Variants in LRP1B observed in about 807,000 individuals in gnomAD.
The protein encoded by LRP1B is low-density lipoprotein receptor-related protein 1B.
Under a neutral mutation model 556.6 loss-of-function variants are expected in LRP1B, and 217 were observed. The ratio of observed to expected loss-of-function variants is 0.39; its 90% CI spans 0.35 to 0.44. The LOEUF is 0.44. LRP1B is among the 20% of genes least tolerant of loss of function. LRP1B has a pLI of 1.00. For synonymous variants in LRP1B, 2,047 were observed against 1,865.8 expected (o/e 1.10, Z -2.50); for missense variants, 5,053 against 5,620.8 (o/e 0.90, Z 3.23).
chr2:141,561,246 T>C (rs1686137718), intron 2 of LRP1B, among the ~76,000 whole-genome samples: 2 of 151,928 alleles, frequency 1.3e-5, no homozygotes, highest in African/African-American at 4.8e-5. Context: ...GTTCCTAAAA[T>C]GAAACTCCAT....
chr2:141,967,360 G>T (rs142944916), intron 1 of LRP1B, among the ~76,000 whole-genome samples: 1 of 151,786 alleles, frequency 6.6e-6, no homozygotes, highest in Non-Finnish European at 1.5e-5. Context: ...ATGGAGAGAG[G>T]TATCTGAAAA....
intron 1 of LRP1B, among the ~76,000 whole-genome samples, chr2:141,966,888 A>G (rs2105066912): frequency 6.6e-6 from 1 of 152,012 alleles, no homozygotes; most frequent in East Asian, 2.0e-4. Flanking sequence ...GGAGTCAGAC[A>G]GAGATGGACT....
intron 2 of LRP1B, among the ~76,000 whole-genome samples, chr2:141,646,247 T>C (rs1451931024): frequency 1.3e-5 from 2 of 152,158 alleles, no homozygotes; most frequent in East Asian, 1.9e-4. Flanking sequence ...TTGAAATGTA[T>C]GTATGTATAT....
intron 35 of LRP1B, among the ~76,000 whole-genome samples, chr2:140,719,844 AC>A (rs942212238): frequency 4.6e-5 from 7 of 152,066 alleles, no homozygotes; most frequent in African/African-American, 1.7e-4. Context: ...ACACATTGAT[AC>A]CCAAATCCCT....
chr2:141,215,412 G>A (rs1421649597), intron 6 of LRP1B, among the ~76,000 whole-genome samples: 4 of 152,158 alleles, frequency 2.6e-5, no homozygotes, highest in African/African-American at 7.2e-5. Flanking sequence ...CAGAGGAGTG[G>A]GGTCTTGCTA....
At chr2:141,255,359 T>C (rs996811106) in intron 3 of LRP1B, among the ~76,000 whole-genome samples, 1 of 152,070 alleles carries the variant, frequency 6.6e-6, no homozygotes, top group African/African-American at 2.4e-5. Flanking sequence ...TATGATACTG[T>C]TGTTTTTACT....
At chr2:142,108,124 A>G (rs1213599424) in intron 1 of LRP1B, among the ~76,000 whole-genome samples, 1 of 151,298 alleles carries the variant, frequency 6.6e-6, no homozygotes. Flanking sequence ...ACATTTCTGA[A>G]AATCAAATAT....
intron 85 of LRP1B, among the ~76,000 whole-genome samples, chr2:140,271,892 A>T (rs929422998): frequency 6.6e-6 from 1 of 150,922 alleles, no homozygotes; most frequent in Admixed American, 6.6e-5. Context: ...GAAAATAATA[A>T]AGTCAAAAAA....
At chr2:140,720,202 A>G (rs1223212329) in intron 35 of LRP1B, among the ~76,000 whole-genome samples, 1 of 152,056 alleles carries the variant, frequency 6.6e-6, no homozygotes, top group East Asian at 1.9e-4. Context: ...TAGGCATAAA[A>G]TATGGTGGTG....
intron 18 of LRP1B, among the ~76,000 whole-genome samples, chr2:140,973,223 A>T (rs1310397610): frequency 6.6e-6 from 1 of 151,810 alleles, no homozygotes; most frequent in Non-Finnish European, 1.5e-5. Context: ...AATTCTAATT[A>T]TTAGGTCAGC....
At chr2:140,652,706 T>A (rs1684733792) in intron 41 of LRP1B, among the ~76,000 whole-genome samples, 1 of 151,972 alleles carries the variant, frequency 6.6e-6, no homozygotes, top group South Asian at 2.1e-4. Context: ...GTTAACAATA[T>A]TGTCACTTAA....
In LRP1B at chr2:141,828,250, T is replaced by C. The variant is rs185399094; in HGVS notation, c.83-17849A>G. Among the ~76,000 whole-genome samples, 269 of 152,302 alleles carry C rather than the reference T, an allele frequency of 1.8e-3. 3 individuals are homozygous for C. Among genetic ancestry groups the C allele is most frequent in the Non-Finnish European group, 2.5e-4 (17 of 68,014 alleles). On this transcript the variant is annotated intron_variant, in intron 1 of 90. Coordinates refer to ENST00000389484, the MANE Select transcript of LRP1B (RefSeq NM_018557.3). Reference sequence around the variant, plus strand: ...TAGACATCTTCAATACACATTTTTTTATTAATTATGGTAAAATTATGAAAA... The same window carrying C: ...TAGACATCTTCAATACACATTTTTTCATTAATTATGGTAAAATTATGAAAA...
At chr2:142,017,611 A>C (rs1357559600) in intron 1 of LRP1B, among the ~76,000 whole-genome samples, 1 of 152,142 alleles carries the variant, frequency 6.6e-6, no homozygotes, top group Admixed American at 6.5e-5. Flanking sequence ...GGAGATTCAC[A>C]CTGGTAATCC....
intron 68 of LRP1B, among the ~76,000 whole-genome samples, chr2:140,376,122 T>C: frequency 6.6e-6 from 1 of 152,004 alleles, no homozygotes; most frequent in Non-Finnish European, 1.5e-5. Context: ...TAGAGAAAAA[T>C]GACTTTACTA....
At chr2:140,469,973 T>C (rs545945268) in intron 60 of LRP1B, among the ~76,000 whole-genome samples, 2 of 152,320 alleles carry the variant, frequency 1.3e-5, no homozygotes, top group South Asian at 2.1e-4. Flanking sequence ...AGAGCACATA[T>C]TGCATCAAGC....
chr2:141,551,481 A>AT (rs1241568395), intron 2 of LRP1B, among the ~76,000 whole-genome samples: 1 of 152,060 alleles, frequency 6.6e-6, no homozygotes. Flanking sequence ...AGTTAAATGA[A>AT]TTTTTTTATT....
rs115656904 is a variant in LRP1B at position 141,361,187 on chromosome 2, A to G, written c.344-106546T>C. Among the ~76,000 whole-genome samples, 391 of 152,302 alleles carry G rather than the reference A, an allele frequency of 2.6e-3. 2 individuals are homozygous for G. The Middle Eastern group carries it at 0.034, about 13-fold the overall frequency. ...TATTAGAAATATGGGACCAAAATCA[A>G]TGACAACTTTAGCTACAGTGAGGAT... On this transcript the variant is annotated intron_variant, in intron 3 of 90. Coordinates refer to ENST00000389484, the MANE Select transcript of LRP1B (RefSeq NM_018557.3).
chr2:141,241,391 AG>A (rs1683872248), intron 5 of LRP1B, among the ~76,000 whole-genome samples: 2 of 152,102 alleles, frequency 1.3e-5, no homozygotes, highest in African/African-American at 4.8e-5. Context: ...TTTCACAGCA[AG>A]CACACAGCTT....
chr2:141,633,510 ATTTC>A (rs1424943283), intron 2 of LRP1B, among the ~76,000 whole-genome samples: 1 of 152,022 alleles, frequency 6.6e-6, no homozygotes, highest in African/African-American at 2.4e-5. Flanking sequence ...ATTATTTCTT[ATTTC>A]TTTCCCAGGA....
Sources: allele counts gnomAD v4.1 joint callset (sites outside exome capture counted in the v4.1 genomes callset), GRCh38; gene constraint gnomAD v4.1.1; transcripts MANE v1.5; gene names NCBI Gene and HGNC (gene_info 2026-07-23, HGNC 2026-07-21).